The following SH3D21 variants were observed in gnomAD, a reference collection of about 807,000 sequenced individuals.
SH3D21 encodes the protein manchette microtubule inner protein 1.
Under a neutral mutation model 82.1 loss-of-function variants are expected in SH3D21, and 83 were observed. The ratio of observed to expected loss-of-function variants is 1.01; its 90% CI spans 0.85 to 1.21. SH3D21 has a LOEUF of 1.21. Among genes scored for constraint, SH3D21 ranks in the 50% most tolerant of loss-of-function variants. SH3D21 has a pLI of 0.00. For missense variants in SH3D21, 980 were observed against 962.1 expected, an observed-to-expected ratio of 1.02 and a Z score of -0.25; for synonymous variants, 383 against 387.8, an observed-to-expected ratio of 0.99 and a Z score of 0.15.
chr1:36,307,168 T>G lies in SH3D21; in HGVS notation c.228T>G (p.Gly76=). The G allele has an allele frequency of 6.4e-7, 1 of 1,551,562 alleles. No homozygotes were observed. Among genetic ancestry groups the G allele is most frequent in the Non-Finnish European group, 8.7e-7 (1 of 1,146,934 alleles). ...TCAGCCGCGCTTGTCCGGTGCTAGG[T>G]CATCCTGCCAAACACCCGAGGCCCC... ...ARRPRCARRR[G]HPAKHPRPQR... is the part of the protein sequence containing the mutation. Residue 76 remains glycine (G), a splice_region_variant and synonymous_variant, in exon 4 of 16, where the codon GGT becomes GGG. Transcript: ENST00000453908. The surrounding 1 kb of genome is among the most constrained non-coding windows in gnomAD (Gnocchi z 5.4).
At chr1:36,325,779 C>T (rs1172624628), downstream of SH3D21, among the ~76,000 whole-genome samples, 1 of 152,156 alleles carries the variant, frequency 6.6e-6, no homozygotes, top group African/African-American at 2.4e-5. Context: ...CTGCTGACCT[C>T]GTGATCCACC....
At chr1:36,309,671 C>T (rs1646199249) in intron 10 of SH3D21, 81 bp downstream of exon 10, 12 of 1,477,036 alleles carry the variant, frequency 8.1e-6, no homozygotes, top group Non-Finnish European at 1.1e-5. Flanking sequence ...ACCCACAGCA[C>T]CCCAGTGGTC....
intron 12 of SH3D21, 24 bp downstream of exon 12, chr1:36,319,336 C>G: frequency 6.4e-7 from 1 of 1,551,336 alleles, no homozygotes; most frequent in Non-Finnish European, 8.7e-7. Flanking sequence ...TCCTCCAGTG[C>G]GGGGAGGACT....
chr1:36,306,956 T>C lies in SH3D21; in HGVS notation c.226+51T>C, dbSNP rs1646136915. The stretch of plus-strand genomic sequence containing the variant: ...CCGGTGGGCGGGTGCACGGAGCCAG[T>C]GCGACCCCGGCGTCTCCGGCTCTTA... On this transcript the variant is annotated intron_variant, in intron 3 of 15. Transcript: ENST00000453908. The surrounding 1 kb of genome is among the most constrained non-coding windows in gnomAD (Gnocchi z 4.5). The C allele has an allele frequency of 2.2e-6, 3 of 1,341,732 alleles. No individual in the cohort carries two copies. The highest frequency in any genetic ancestry group is 1.5e-5 in the African/African-American group (1 of 65,694). The allele number at this position is 1,341,732 out of a possible 1,614,324, so 83.1% of individuals were successfully genotyped here.
Position 36,319,702 on chromosome 1 carries a change from G to T in SH3D21, c.1039G>T (p.Ala347Ser). 6.3e-7 allele frequency: 1 copy of T among 1,592,864 alleles called. No homozygotes were observed. Among genetic ancestry groups the T allele is most frequent in the Non-Finnish European group, 8.5e-7 (1 of 1,170,854 alleles). ...QEEEHSSPVKAPSVKRTPMPD... is the reference protein window; with the variant it reads ...QEEEHSSPVKSPSVKRTPMPD... ...GGAAGAGCACAGCAGCCCGGTAAAG[G>T]CCCCCTCTGTGAAGAGAACCCCCAT... is the stretch of plus-strand genomic sequence containing the variant. The change falls in exon 14 of 16, where the codon GCC becomes TCC. Residue 347 changes from alanine to serine, a missense_variant. Ala to Ser is a moderately conservative substitution (Grantham distance 99). Transcript: ENST00000453908.
chr1:36,311,673 T>A (rs1333230411), intron 10 of SH3D21, among the ~76,000 whole-genome samples: 1 of 152,150 alleles, frequency 6.6e-6, no homozygotes, highest in Non-Finnish European at 1.5e-5. Context: ...TTTCTACATG[T>A]GAGTTTTATA....
At chr1:36,328,870 G>A (rs1053924519), downstream of SH3D21, 6 of 152,406 alleles carry the variant, frequency 3.9e-5, no homozygotes, top group Admixed American at 6.5e-5. Context: ...TGCACACTCC[G>A]CCCTTCAGTC....
intron 9 of SH3D21, among the ~76,000 whole-genome samples, chr1:36,308,956 A>AG (rs904799847): frequency 5.3e-5 from 8 of 151,792 alleles, no homozygotes; most frequent in African/African-American, 1.9e-4. Context: ...TATCTCAAAA[A>AG]GAAAAAAAAA....
downstream of SH3D21, chr1:36,323,040 T>C: frequency 6.3e-7 from 1 of 1,599,498 alleles, no homozygotes; most frequent in Non-Finnish European, 8.5e-7. Flanking sequence ...GCATCCATGC[T>C]GCTCTGGGGG....
chr1:36,313,108 G>A (rs1028741296), intron 10 of SH3D21, among the ~76,000 whole-genome samples: 7 of 151,964 alleles, frequency 4.6e-5, no homozygotes, highest in African/African-American at 1.7e-4. Context: ...GTGGATCATG[G>A]GGTCAAGAGA....
Position 36,306,861 on chromosome 1 carries a change from G to A in SH3D21, c.182G>A (p.Arg61Gln). 1 of 1,298,466 alleles carries A rather than the reference G, an allele frequency of 7.7e-7. No homozygotes were observed. The allele number at this position is 1,298,466 out of a possible 1,614,324, so 80.4% of individuals were successfully genotyped here. A position where few individuals can be genotyped will look rare whatever the true frequency, so the allele number is the denominator to read the frequency against. Residue 61 changes from arginine to glutamine, a missense_variant, in exon 3 of 16, where the codon CGG becomes CAG. Transcript: ENST00000453908. This position sits in a 1 kb window ranked among gnomAD's most constrained non-coding sequence, Gnocchi z 4.5. ...RLVQEIPETL[R>Q]GSGEARRPRC... is the part of the protein sequence containing the mutation. Reference sequence around the variant, plus strand: ...TCCCAGGAGATCCCAGAGACCCTGCGGGGCTCCGGAGAGGCGCGGAGGCCG... The same window carrying A: ...TCCCAGGAGATCCCAGAGACCCTGCAGGGCTCCGGAGAGGCGCGGAGGCCG...
At chr1:36,325,229 G>T (rs1414310252), downstream of SH3D21, among the ~76,000 whole-genome samples, 4 of 151,736 alleles carry the variant, frequency 2.6e-5, 1 homozygote, top group Non-Finnish European at 4.4e-5. Context: ...ATGGGGTTTT[G>T]CCATGTTGCC....
intron 10 of SH3D21, among the ~76,000 whole-genome samples, chr1:36,317,890 C>G (rs1646371454): frequency 6.6e-6 from 1 of 152,166 alleles, no homozygotes; most frequent in South Asian, 2.1e-4. Flanking sequence ...GTCAGTCACG[C>G]TTAATAACTC....
At position 36,318,876 on chromosome 1, in the gene SH3D21, G is replaced by A. The variant is rs12744175; in HGVS notation, c.770-195G>A. ...GTGAGCCGAGATCGCACCACTGGGC[G>A]ACAGAAGCAAGACTCCATCTCAAAT... is the stretch of plus-strand genomic sequence containing the variant. On this transcript the variant is annotated intron_variant, in intron 10 of 15. Transcript: ENST00000453908. 2.8e-3 allele frequency among the ~76,000 whole-genome samples: 417 copies of A among 148,808 alleles called. 2 individuals carry two copies. Among genetic ancestry groups the A allele is most frequent in the African/African-American group, 9.8e-3 (397 of 40,358 alleles).
chr1:36,321,778 G>C (rs962021532), downstream of SH3D21: 3 of 1,001,600 alleles, frequency 3.0e-6, no homozygotes, highest in Non-Finnish European at 3.6e-6. This position sits in a 1 kb window ranked among gnomAD's most constrained non-coding sequence, Gnocchi z 6.1. Context: ...GGCGTTTGCC[G>C]GTAAGGAATG....
At chr1:36,321,668 G>A (rs904195519), downstream of SH3D21, 1 of 1,015,472 alleles carries the variant, frequency 9.8e-7, no homozygotes, top group Non-Finnish European at 1.2e-6. This position sits in a 1 kb window ranked among gnomAD's most constrained non-coding sequence, Gnocchi z 6.1. Flanking sequence ...ACCGGGGCTA[G>A]CAGCACCTTA....
intron 10 of SH3D21, among the ~76,000 whole-genome samples, chr1:36,316,980 C>T (rs1300188767): frequency 6.6e-6 from 1 of 152,096 alleles, no homozygotes; most frequent in Non-Finnish European, 1.5e-5. Context: ...CAGTCCAGTC[C>T]TCTCTTTTGT....
chr1:36,319,231 C>T lies in SH3D21; in HGVS notation c.864-29C>T, dbSNP rs374564359. 43 of 1,551,426 alleles carry T rather than the reference C, an allele frequency of 2.8e-5. No individual in the cohort carries two copies. The African/African-American group carries it at 5.8e-4, about 21-fold the overall frequency. ...GGCAACGCCCCTCCCTGTGCCCCAC[C>T]CTGAGGGCCTGATGAAGATATGTTC... On this transcript the variant is annotated intron_variant, in intron 11 of 15. Coordinates refer to ENST00000453908, the MANE Select transcript of SH3D21 (RefSeq NM_001162530.2).
chr1:36,306,418 A>G lies in SH3D21; in HGVS notation c.-3A>G, dbSNP rs1184713251. ...CCAGGCTCTGGAGGGCGCCCCGGAA[A>G]CCATGGGTAAGTGCGGAGGCTTTGA... On this transcript the variant is annotated 5_prime_UTR_variant, in exon 1 of 16. Transcript: ENST00000453908. The surrounding 1 kb of genome is among the most constrained non-coding windows in gnomAD (Gnocchi z 4.5). 1.5e-6 allele frequency: 2 copies of G among 1,305,358 alleles called. No homozygotes were observed. Among genetic ancestry groups the G allele is most frequent in the Non-Finnish European group, 2.0e-6 (2 of 988,950 alleles). 80.9% of individuals were successfully genotyped at this position (1,305,358 alleles called of 1,614,324 possible).
Sources: allele counts gnomAD v4.1 joint callset (sites outside exome capture counted in the v4.1 genomes callset), GRCh38; gene constraint gnomAD v4.1.1; non-coding constraint Gnocchi (gnomAD v3.1); transcripts MANE v1.5; gene names NCBI Gene and HGNC (gene_info 2026-07-23, HGNC 2026-07-21).